FBXL20: variants seen among roughly 807,000 people sequenced by gnomAD.
The protein encoded by FBXL20 is F-box/LRR-repeat protein 20.
Under a neutral mutation model 64.0 loss-of-function variants are expected in FBXL20, and 11 were observed. The observed-to-expected ratio is 0.17, with a 90% confidence interval of 0.11 to 0.28. The LOEUF (loss-of-function observed/expected upper bound fraction) is 0.28. FBXL20 is among the 10% of genes least tolerant of loss of function. The pLI, the probability that FBXL20 is intolerant of heterozygous loss-of-function variation, is 1.00. For missense variants in FBXL20, 303 were observed against 526.2 expected (o/e 0.58, Z 4.15); for synonymous variants, 184 against 189.0 (o/e 0.97, Z 0.22).
At chr17:39,380,112 G>C (rs925648529) in intron 1 of FBXL20, among the ~76,000 whole-genome samples, 2 of 151,986 alleles carry the variant, frequency 1.3e-5, no homozygotes, top group Admixed American at 6.6e-5. Flanking sequence ...CTCATTTATT[G>C]CAAGAGCTAA....
chr17:39,267,666 T>A (rs80098738), intron 12 of FBXL20, among the ~76,000 whole-genome samples: 1 of 152,204 alleles, frequency 6.6e-6, no homozygotes, highest in East Asian at 1.9e-4. Flanking sequence ...ATGGTTATGT[T>A]AGGACTGAAA....
intron 2 of FBXL20, among the ~76,000 whole-genome samples, chr17:39,318,408 C>T (rs1236633315): frequency 6.6e-6 from 1 of 152,054 alleles, no homozygotes; most frequent in Non-Finnish European, 1.5e-5. Context: ...GTGTTCTGTG[C>T]CACTAAATTT....
At chr17:39,374,297 G>GGTGGTTGGATCGCTT (rs1327020059) in intron 1 of FBXL20, among the ~76,000 whole-genome samples, 1 of 152,062 alleles carries the variant, frequency 6.6e-6, no homozygotes, top group East Asian at 1.9e-4. Flanking sequence ...GGGAGGCCAA[G>GGTGGTTGGATCGCTT]GTGGTTGGAT....
intron 1 of FBXL20, among the ~76,000 whole-genome samples, chr17:39,382,442 CA>C (rs543348192): frequency 0.024 from 2,119 of 88,164 alleles, 16 homozygotes; most frequent in African/African-American, 0.044. Flanking sequence ...GACTCCATCT[CA>C]AAAAAAAAAA....
intron 1 of FBXL20, among the ~76,000 whole-genome samples, chr17:39,377,505 T>C (rs1469165514): frequency 7.2e-6 from 1 of 138,368 alleles, no homozygotes; most frequent in Non-Finnish European, 1.5e-5. Context: ...TTTTTGTTGT[T>C]GTTTTTTTTT....
In FBXL20 at chr17:39,285,547, C is replaced by G. The variant is rs977935134; in HGVS notation, c.425G>C (p.Cys142Ser). The change falls in exon 7 of 15, where the codon TGT (cysteine) becomes TCT (serine). Residue 142 changes from cysteine (C) to serine (S), a missense_variant. Transcript: ENST00000264658. ...CAAGTCAAGGTGCCTGAGTTTGGAA[C>G]AGAACTTGCTAAGGCTAGTACATGT... ...DATCTSLSKF[C>S]SKLRHLDLAS... 4 of 1,604,028 alleles carry G rather than the reference C, an allele frequency of 2.5e-6. No individual in the cohort carries two copies. Among genetic ancestry groups the G allele is most frequent in the Non-Finnish European group, 3.4e-6 (4 of 1,174,952 alleles).
Position 39,274,950 on chromosome 17 carries a change from G to C in FBXL20, c.827+20C>G, listed in dbSNP as rs1175367534. On this transcript the variant is annotated intron_variant, in intron 10 of 14. Coordinates refer to ENST00000264658, the MANE Select transcript of FBXL20 (RefSeq NM_032875.3). ...AACTTTTGTTCTATGATTTTTTTGA[G>C]CTAAACAAGAAATGTTTACCTAAGC... is the stretch of plus-strand genomic sequence containing the variant. 6.2e-7 allele frequency: 1 copy of C among 1,608,814 alleles called. No individual in the cohort carries two copies. Among genetic ancestry groups the C allele is most frequent in the Non-Finnish European group, 8.5e-7 (1 of 1,178,716 alleles).
chr17:39,400,144 TAAG>T (rs2048227270), intron 1 of FBXL20, among the ~76,000 whole-genome samples: 1 of 152,200 alleles, frequency 6.6e-6, no homozygotes, highest in Non-Finnish European at 1.5e-5. Context: ...ACTAAAACTC[TAAG>T]AAGGCCAATT....
intron 1 of FBXL20, among the ~76,000 whole-genome samples, chr17:39,393,478 T>C (rs780166253): frequency 2.5e-4 from 38 of 152,146 alleles, no homozygotes; most frequent in Non-Finnish European, 5.4e-4. Flanking sequence ...TTCACTTCCA[T>C]GTTGTTAGAT....
At chr17:39,402,010 C>A, upstream of FBXL20, 1 of 580,638 alleles carries the variant, frequency 1.7e-6, no homozygotes, top group Non-Finnish European at 2.5e-6. Flanking sequence ...CTCTTCTGCC[C>A]CGTGTCCCCC....
intron 1 of FBXL20, among the ~76,000 whole-genome samples, chr17:39,370,644 A>C (rs2047908296): frequency 6.6e-6 from 1 of 150,508 alleles, no homozygotes; most frequent in South Asian, 2.1e-4. Context: ...AAATACAAAA[A>C]ATTAGCCGGG....
chr17:39,377,006 C>A (rs1286656668), intron 1 of FBXL20, among the ~76,000 whole-genome samples: 1 of 152,174 alleles, frequency 6.6e-6, no homozygotes, highest in Non-Finnish European at 1.5e-5. Context: ...TAGTTTAAAA[C>A]AAAGACCGTA....
chr17:39,361,509 T>C (rs1417222566), intron 1 of FBXL20, among the ~76,000 whole-genome samples: 2 of 152,058 alleles, frequency 1.3e-5, no homozygotes, highest in African/African-American at 4.8e-5. Context: ...CAAGAAGAAA[T>C]GTTTTTGGTC....
At chr17:39,393,215 G>A (rs1041227585) in intron 1 of FBXL20, among the ~76,000 whole-genome samples, 2 of 152,032 alleles carry the variant, frequency 1.3e-5, no homozygotes, top group Non-Finnish European at 2.9e-5. Context: ...CTTGAACCCA[G>A]GAGGCAGAGG....
intron 7 of FBXL20, among the ~76,000 whole-genome samples, chr17:39,285,189 T>A (rs371164794): frequency 6.6e-6 from 1 of 152,062 alleles, no homozygotes; most frequent in East Asian, 1.9e-4. Flanking sequence ...CAGGCGTGAG[T>A]CTTCATGCCT....
rs950619399 is a variant in FBXL20, at chr17:39,258,791, A to C, written c.*2669T>G. 2 of 152,204 alleles carry C rather than the reference A, an allele frequency of 1.3e-5. No individual in the cohort carries two copies. Among genetic ancestry groups the C allele is most frequent in the African/African-American group, 4.8e-5 (2 of 41,430 alleles). The allele number at this position is 152,204 out of a possible 1,614,324, so 9.4% of individuals were successfully genotyped here. A position where few individuals can be genotyped will look rare whatever the true frequency, so the allele number is the denominator to read the frequency against. On this transcript the variant is annotated 3_prime_UTR_variant, in exon 15 of 15. Coordinates refer to ENST00000264658, the MANE Select transcript of FBXL20 (RefSeq NM_032875.3). ...TAAACTTTAAAGCAGATGGCCCCTAAATAGTTCTCTCCTTTAGTTTTGTTT... is the reference window on the plus strand; with the variant it reads ...TAAACTTTAAAGCAGATGGCCCCTACATAGTTCTCTCCTTTAGTTTTGTTT...
intron 2 of FBXL20, among the ~76,000 whole-genome samples, chr17:39,307,501 G>A (rs1039743570): frequency 1.3e-5 from 2 of 152,170 alleles, no homozygotes; most frequent in African/African-American, 4.8e-5. Flanking sequence ...GACTGCAGCA[G>A]CAGCACAACC....
At chr17:39,388,053 C>A (rs968175309) in intron 1 of FBXL20, among the ~76,000 whole-genome samples, 2 of 152,106 alleles carry the variant, frequency 1.3e-5, no homozygotes, top group Admixed American at 1.3e-4. Context: ...AACTTCAGAA[C>A]GCCATTTATT....
intron 1 of FBXL20, among the ~76,000 whole-genome samples, chr17:39,384,582 CTT>C (rs1482055782): frequency 6.6e-6 from 1 of 151,730 alleles, no homozygotes; most frequent in Non-Finnish European, 1.5e-5. Context: ...TAAATTAAAA[CTT>C]ATTTCTAAAG....
Sources: allele counts gnomAD v4.1 joint callset (sites outside exome capture counted in the v4.1 genomes callset), GRCh38; gene constraint gnomAD v4.1.1; transcripts MANE v1.5; gene names NCBI Gene and HGNC (gene_info 2026-07-23, HGNC 2026-07-21).